Variants in C12orf42 observed in about 807,000 individuals in gnomAD.
C12orf42 encodes uncharacterized protein C12orf42.
C12orf42 carries 25 observed loss-of-function variants against 21.6 expected under a neutral mutation model. The ratio of observed to expected loss-of-function variants is 1.16; its 90% CI spans 0.84 to 1.62. The LOEUF is 1.62. C12orf42 is among the 40% of genes most tolerant of loss of function. C12orf42 has a pLI of 0.00. For synonymous variants in C12orf42, 174 were observed against 175.0 expected, an observed-to-expected ratio of 0.99 and a Z score of 0.05; for missense variants, 483 against 459.3, an observed-to-expected ratio of 1.05 and a Z score of -0.47.
chr12:103,387,781 G>A (rs2046738288), intron 3 of C12orf42, among the ~76,000 whole-genome samples: 1 of 152,108 alleles, frequency 6.6e-6, no homozygotes. Flanking sequence ...AGAGGTACTC[G>A]AGAAATGTTT....
At chr12:103,221,829 C>A in the C12orf42 span, among the ~76,000 whole-genome samples, 1 of 152,122 alleles carries the variant, frequency 6.6e-6, no homozygotes, top group Admixed American at 6.5e-5. Context: ...GACCTCAGGG[C>A]AAGGAAACTG....
chr12:103,213,157 A>T, the C12orf42 span, among the ~76,000 whole-genome samples: 1 of 152,190 alleles, frequency 6.6e-6, no homozygotes, highest in Admixed American at 6.5e-5. Flanking sequence ...AAGCTGAAGA[A>T]TCCTTAGGCT....
At chr12:103,406,290 T>C (rs1174680351) in intron 2 of C12orf42, among the ~76,000 whole-genome samples, 1 of 152,204 alleles carries the variant, frequency 6.6e-6, no homozygotes, top group African/African-American at 2.4e-5. Context: ...GTGATGTTGG[T>C]TCTGGAACAG....
chr12:103,401,229 G>A (rs1179115609), intron 3 of C12orf42, among the ~76,000 whole-genome samples: 2 of 152,106 alleles, frequency 1.3e-5, no homozygotes, highest in African/African-American at 2.4e-5. Flanking sequence ...TTTGCCTAGT[G>A]AACTCAGCTG....
chr12:103,279,985 A>G (rs2036005431), intron 4 of C12orf42, among the ~76,000 whole-genome samples: 3 of 152,230 alleles, frequency 2.0e-5, no homozygotes, highest in Non-Finnish European at 4.4e-5. Flanking sequence ...GGAAACATTT[A>G]TTGATGCCCA....
At chr12:103,555,389 C>T in the C12orf42 span, among the ~76,000 whole-genome samples, 1 of 152,134 alleles carries the variant, frequency 6.6e-6, no homozygotes, top group African/African-American at 2.4e-5. Flanking sequence ...ATCACGAGAA[C>T]AGCATGGGAA....
the C12orf42 span, among the ~76,000 whole-genome samples, chr12:103,126,437 A>G: frequency 1.3e-5 from 2 of 152,196 alleles, no homozygotes; most frequent in African/African-American, 2.4e-5. Context: ...TACAACAAAG[A>G]TTTATCTAAA....
At chr12:103,172,901 C>T in the C12orf42 span, among the ~76,000 whole-genome samples, 1 of 152,044 alleles carries the variant, frequency 6.6e-6, no homozygotes, top group African/African-American at 2.4e-5. Flanking sequence ...GTTTCCACCA[C>T]ATAACCTCCA....
At chr12:103,487,423 T>C (rs1294260400) in intron 1 of C12orf42, among the ~76,000 whole-genome samples, 1 of 152,250 alleles carries the variant, frequency 6.6e-6, no homozygotes, top group African/African-American at 2.4e-5. Flanking sequence ...GAGAAGAATG[T>C]ATATTCTGTT....
chr12:103,386,189 T>C (rs1308053048), intron 3 of C12orf42, among the ~76,000 whole-genome samples: 1 of 152,204 alleles, frequency 6.6e-6, no homozygotes, highest in Non-Finnish European at 1.5e-5. Flanking sequence ...GGATTTGAAC[T>C]CAGGCTGTCT....
intron 4 of C12orf42, among the ~76,000 whole-genome samples, chr12:103,331,730 G>C (rs969735665): frequency 3.9e-5 from 6 of 152,196 alleles, no homozygotes; most frequent in South Asian, 4.2e-4. Context: ...AGACCACGCA[G>C]CGCGGCAGCC....
At chr12:103,329,479 C>T (rs998696396) in intron 4 of C12orf42, among the ~76,000 whole-genome samples, 7 of 152,000 alleles carry the variant, frequency 4.6e-5, no homozygotes, top group Admixed American at 3.9e-4. Context: ...GCAAACCCCC[C>T]TGGCATGTGT....
the C12orf42 span, among the ~76,000 whole-genome samples, chr12:103,150,964 G>A: frequency 1.3e-5 from 2 of 152,128 alleles, no homozygotes; most frequent in East Asian, 1.9e-4. Context: ...TTTTGAGATG[G>A]AGTCTCACTC....
At chr12:103,465,762 G>T (rs1407458167) in intron 2 of C12orf42, among the ~76,000 whole-genome samples, 1 of 152,020 alleles carries the variant, frequency 6.6e-6, no homozygotes, top group Non-Finnish European at 1.5e-5. Flanking sequence ...TCATTTTGAG[G>T]TATGTTCCAT....
the C12orf42 span, among the ~76,000 whole-genome samples, chr12:103,518,687 G>A: frequency 0.097 from 14,680 of 152,042 alleles, 918 homozygotes; most frequent in South Asian, 0.27. Flanking sequence ...AACATAGCAG[G>A]CAGCCACAAA....
At chr12:103,177,874 TGCGC>T in the C12orf42 span, among the ~76,000 whole-genome samples, 3,171 of 151,078 alleles carry the variant, frequency 0.021, 39 homozygotes, top group Non-Finnish European at 0.028. Context: ...TGTGTGTGTG[TGCGC>T]GCGCGCTAAC....
At chr12:103,048,159 G>T in the C12orf42 span, among the ~76,000 whole-genome samples, 1 of 151,928 alleles carries the variant, frequency 6.6e-6, no homozygotes, top group Admixed American at 6.6e-5. Flanking sequence ...AGATGAGGCC[G>T]TGAGAATGGA....
intron 5 of C12orf42, 49 bp from the exon 6 acceptor site, chr12:103,302,608 G>A (rs780250762): frequency 5.3e-6 from 8 of 1,495,890 alleles, no homozygotes; most frequent in Non-Finnish European, 7.2e-6. Context: ...TCAAGCGTGC[G>A]GGACCACACC....
the C12orf42 span, among the ~76,000 whole-genome samples, chr12:103,197,877 C>G: frequency 6.6e-6 from 1 of 152,312 alleles, no homozygotes; most frequent in East Asian, 1.9e-4. Context: ...TTGTAGGGGG[C>G]TGGGACCAGG....
Sources: allele counts gnomAD v4.1 joint callset (sites outside exome capture counted in the v4.1 genomes callset), GRCh38; gene constraint gnomAD v4.1.1; transcripts MANE v1.5; gene names NCBI Gene and HGNC (gene_info 2026-07-23, HGNC 2026-07-21).